The following PPP1R9A variants were observed in gnomAD, a reference collection of about 807,000 sequenced individuals.
The protein encoded by PPP1R9A is neurabin-1.
Under a neutral mutation model 141.9 loss-of-function variants are expected in PPP1R9A, and 59 were observed. The observed-to-expected ratio is 0.42, with a 90% CI of 0.34 to 0.52. The LOEUF (loss-of-function observed/expected upper bound fraction) is 0.52, where lower values mean the gene tolerates loss of function less well. Ranked by LOEUF, PPP1R9A falls within the 20% of genes least tolerant of loss-of-function variation. The pLI, the probability that PPP1R9A is intolerant of heterozygous loss-of-function variation, is 0.10. For missense variants in PPP1R9A, 1,444 were observed against 1,611.9 expected, an observed-to-expected ratio of 0.90 and a Z score of 1.78; for synonymous variants, 500 against 569.7, an observed-to-expected ratio of 0.88 and a Z score of 1.74.
chr7:95,256,957 C>A (rs1460019836), intron 12 of PPP1R9A, among the ~76,000 whole-genome samples: 1 of 152,026 alleles, frequency 6.6e-6, no homozygotes, highest in East Asian at 1.9e-4. Flanking sequence ...AGAAAGGAAG[C>A]CTCAATATTA....
intron 2 of PPP1R9A, among the ~76,000 whole-genome samples, chr7:95,020,883 A>T (rs927044475): frequency 1.3e-5 from 2 of 152,174 alleles, no homozygotes; most frequent in African/African-American, 2.4e-5. Flanking sequence ...ATTGCTGGGC[A>T]TTTGGGTTGG....
intron 14 of PPP1R9A, among the ~76,000 whole-genome samples, chr7:95,273,156 G>T (rs1236590825): frequency 6.6e-6 from 1 of 152,138 alleles, no homozygotes; most frequent in Non-Finnish European, 1.5e-5. Flanking sequence ...CCCAGCAGCT[G>T]CTACCTTTGA....
chr7:95,061,675 G>A (rs572796173), intron 2 of PPP1R9A, among the ~76,000 whole-genome samples: 21 of 152,284 alleles, frequency 1.4e-4, no homozygotes, highest in African/African-American at 5.1e-4. Context: ...GGTCATGGCT[G>A]TAGTGGGCCA....
chr7:95,019,387 AAAATAAAT>A (rs548796200), intron 2 of PPP1R9A, among the ~76,000 whole-genome samples: 2 of 152,210 alleles, frequency 1.3e-5, no homozygotes, highest in African/African-American at 4.8e-5. Flanking sequence ...AGTCTCAATT[AAAATAAAT>A]AAATAAATAA....
At chr7:94,969,711 G>A (rs573822879) in intron 2 of PPP1R9A, among the ~76,000 whole-genome samples, 1 of 152,284 alleles carries the variant, frequency 6.6e-6, no homozygotes, top group South Asian at 2.1e-4. Context: ...GAGCTGGCAG[G>A]CAGGAGTGTT....
chr7:95,079,732 T>A (rs1432932812), intron 2 of PPP1R9A, among the ~76,000 whole-genome samples: 1 of 152,168 alleles, frequency 6.6e-6, no homozygotes, highest in Non-Finnish European at 1.5e-5. Context: ...ATCAAAAGGC[T>A]TATCCACCAT....
At chr7:94,960,169 C>A (rs1249149352) in intron 2 of PPP1R9A, among the ~76,000 whole-genome samples, 1 of 139,534 alleles carries the variant, frequency 7.2e-6, no homozygotes, top group African/African-American at 2.6e-5. Context: ...CTCTCTCTCT[C>A]TTTTTTTTTT....
At chr7:95,108,363 G>T (rs191455357) in intron 2 of PPP1R9A, among the ~76,000 whole-genome samples, 1 of 123,922 alleles carries the variant, frequency 8.1e-6, no homozygotes, top group Non-Finnish European at 1.6e-5. Flanking sequence ...ACCCAGGCTG[G>T]AGTGCAGTGG....
At position 95,095,080 on chromosome 7, in the gene PPP1R9A, G is replaced by A. The variant is rs191033293; in HGVS notation, c.1396-16179G>A. 2.6e-5 allele frequency among the ~76,000 whole-genome samples: 4 copies of A among 152,004 alleles called. No homozygotes were observed. The East Asian group carries it at 7.8e-4, about 30-fold the overall frequency. On this transcript the variant is annotated intron_variant, in intron 2 of 19. Coordinates refer to ENST00000433360, the MANE Select transcript of PPP1R9A (RefSeq NM_001166160.2). ...GGAGACACTATAATTTTGCTTTGGG[G>A]TACTTTAAATCTGAGGTGCTATCAA...
chr7:95,045,233 G>A (rs1490200035), intron 2 of PPP1R9A, among the ~76,000 whole-genome samples: 1 of 152,156 alleles, frequency 6.6e-6, no homozygotes, highest in African/African-American at 2.4e-5. Flanking sequence ...GCAAGTTTCC[G>A]AGCAGGAATG....
intron 2 of PPP1R9A, among the ~76,000 whole-genome samples, chr7:94,971,017 C>T (rs1195129134): frequency 1.3e-5 from 2 of 152,094 alleles, no homozygotes; most frequent in Non-Finnish European, 2.9e-5. Context: ...TGTCAAGTGT[C>T]TACTCTGTGG....
intron 5 of PPP1R9A, among the ~76,000 whole-genome samples, chr7:95,195,287 T>C (rs1300744745): frequency 6.6e-6 from 1 of 151,716 alleles, no homozygotes; most frequent in African/African-American, 2.4e-5. Flanking sequence ...TCAGTTTTTT[T>C]TTTTTTTTCT....
At chr7:95,055,219 G>A (rs1040019324) in intron 2 of PPP1R9A, among the ~76,000 whole-genome samples, 18 of 151,986 alleles carry the variant, frequency 1.2e-4, no homozygotes, top group African/African-American at 4.4e-4. Flanking sequence ...ATGACTAGAA[G>A]TATTATTATA....
intron 2 of PPP1R9A, among the ~76,000 whole-genome samples, chr7:94,926,136 A>G (rs1192484776): frequency 6.6e-6 from 1 of 152,146 alleles, no homozygotes; most frequent in Non-Finnish European, 1.5e-5. Context: ...ACATTTTTAT[A>G]TGTATAATGC....
intron 2 of PPP1R9A, among the ~76,000 whole-genome samples, chr7:94,932,571 A>ATT (rs1794285540): frequency 6.6e-6 from 1 of 152,140 alleles, no homozygotes; most frequent in African/African-American, 2.4e-5. Flanking sequence ...GAGAGTATGT[A>ATT]TTCATGGCAT....
intron 4 of PPP1R9A, among the ~76,000 whole-genome samples, chr7:95,137,813 GA>G (rs1429272741): frequency 3.9e-5 from 6 of 152,022 alleles, no homozygotes; most frequent in Admixed American, 1.3e-4. Context: ...GGTTTTTCAA[GA>G]CTTGCTATAA....
chr7:94,993,605 C>G (rs1563093014), intron 2 of PPP1R9A, among the ~76,000 whole-genome samples: 1 of 151,284 alleles, frequency 6.6e-6, no homozygotes, highest in Non-Finnish European at 1.5e-5. Context: ...ATCTTACACA[C>G]TTTTTTTTTG....
At chr7:95,148,946 G>T (rs1252459358) in intron 4 of PPP1R9A, among the ~76,000 whole-genome samples, 2 of 149,850 alleles carry the variant, frequency 1.3e-5, no homozygotes, top group Admixed American at 1.3e-4. Context: ...GAACATAAAT[G>T]CAAAAACAAA....
intron 12 of PPP1R9A, among the ~76,000 whole-genome samples, chr7:95,262,546 TC>T (rs1232813957): frequency 1.3e-5 from 2 of 152,204 alleles, no homozygotes; most frequent in Non-Finnish European, 2.9e-5. Flanking sequence ...TCACTGCCTT[TC>T]CAGGTAGTCT....
Sources: allele counts gnomAD v4.1 joint callset (sites outside exome capture counted in the v4.1 genomes callset), GRCh38; gene constraint gnomAD v4.1.1; transcripts MANE v1.5; gene names NCBI Gene and HGNC (gene_info 2026-07-23, HGNC 2026-07-21).